COL4A6: variants seen among roughly 807,000 people sequenced by gnomAD.
The protein encoded by COL4A6 is collagen alpha-6(IV) chain.
Under a neutral mutation model 126.7 loss-of-function variants are expected in COL4A6, and 59 were observed. That is an observed-to-expected ratio of 0.47 (90% CI 0.38 to 0.58). The LOEUF is 0.58. COL4A6 is among the 20% of genes least tolerant of loss of function. COL4A6 has a pLI of 0.00. For synonymous variants in COL4A6, 547 were observed against 496.6 expected (o/e 1.10, Z -1.35); for missense variants, 1,285 against 1,337.3 (o/e 0.96, Z 0.61).
chrX:108,302,912 C>A (rs912488031), intron 3 of COL4A6, among the ~76,000 whole-genome samples: 1 of 111,201 alleles, frequency 9.0e-6, no homozygotes, highest in Non-Finnish European at 1.9e-5. Context: ...ATCTTAATTT[C>A]TTTCTAGTGT....
intron 2 of COL4A6, among the ~76,000 whole-genome samples, chrX:108,386,624 C>T (rs1477446544): frequency 9.0e-6 from 1 of 111,426 alleles, no homozygotes. Context: ...AGCCCTTTGT[C>T]AGATGGATAG....
chrX:108,391,517 A>G (rs1355193771), intron 2 of COL4A6, among the ~76,000 whole-genome samples: 3 of 111,371 alleles, frequency 2.7e-5, no homozygotes, highest in Non-Finnish European at 3.8e-5. Flanking sequence ...AGCCTCGGCA[A>G]TGGCAGAAGC....
intron 3 of COL4A6, among the ~76,000 whole-genome samples, chrX:108,261,799 A>G (rs1050242843): frequency 8.9e-6 from 1 of 111,755 alleles, no homozygotes; most frequent in Non-Finnish European, 1.9e-5. Flanking sequence ...CTGATCTATA[A>G]ATATTTAACC....
chrX:108,229,760 C>A (rs751508059), intron 3 of COL4A6, among the ~76,000 whole-genome samples: 2 of 112,105 alleles, frequency 1.8e-5, no homozygotes, highest in East Asian at 5.6e-4. Context: ...CTTAGGGCAC[C>A]TCTCCTTCTT....
intron 3 of COL4A6, among the ~76,000 whole-genome samples, chrX:108,273,936 A>AT (rs974265820): frequency 9.0e-6 from 1 of 111,671 alleles, no homozygotes; most frequent in Non-Finnish European, 1.9e-5. Flanking sequence ...TTTATATATA[A>AT]TTTTTTTTCA....
chrX:108,348,364 GA>G (rs2039761305), intron 2 of COL4A6, among the ~76,000 whole-genome samples: 1 of 109,768 alleles, frequency 9.1e-6, no homozygotes, highest in Non-Finnish European at 1.9e-5. Context: ...TTTTTTTTTG[GA>G]AAAAAATTCT....
At chrX:108,328,467 C>T (rs750232070) in intron 2 of COL4A6, among the ~76,000 whole-genome samples, 42 of 110,956 alleles carry the variant, frequency 3.8e-4, no homozygotes, top group Non-Finnish European at 6.6e-4. Flanking sequence ...ATGATTAAGT[C>T]TCTAGATCTA....
chrX:108,244,832 A>G (rs1039917184), intron 3 of COL4A6, among the ~76,000 whole-genome samples: 2 of 111,924 alleles, frequency 1.8e-5, no homozygotes, highest in Middle Eastern at 4.6e-3. Flanking sequence ...CTCATCCAAA[A>G]AAGAGCCAGA....
chrX:108,191,327 C>T, intron 19 of COL4A6, 66 bp downstream of exon 19: 1 of 1,142,229 alleles, frequency 8.8e-7, no homozygotes, highest in East Asian at 3.1e-5. Flanking sequence ...CCTCAAAAAT[C>T]ATGACTGTTC....
chrX:108,263,961 TA>T (rs2037232958), intron 3 of COL4A6, among the ~76,000 whole-genome samples: 1 of 111,459 alleles, frequency 9.0e-6, no homozygotes, highest in South Asian at 3.8e-4. Flanking sequence ...TATATTGTCC[TA>T]GGCAGCCACT....
chrX:108,204,831 A>C (rs1045059302), intron 11 of COL4A6, among the ~76,000 whole-genome samples: 1 of 111,713 alleles, frequency 9.0e-6, no homozygotes, highest in Non-Finnish European at 1.9e-5. Context: ...TTGTTCCTTC[A>C]GAAGGCAGTG....
At chrX:108,241,883 GT>G (rs2036581927) in intron 3 of COL4A6, among the ~76,000 whole-genome samples, 1 of 109,847 alleles carries the variant, frequency 9.1e-6, no homozygotes, top group African/African-American at 3.3e-5. Flanking sequence ...CCATCACCTG[GT>G]TTTACTAATG....
intron 2 of COL4A6, chrX:108,383,312 G>T (rs1218519092): frequency 4.6e-6 from 1 of 215,707 alleles, no homozygotes; most frequent in South Asian, 1.2e-4. Context: ...ATGATGAAAG[G>T]GTCAACCCAT....
chrX:108,244,804 G>A (rs959367297), intron 3 of COL4A6, among the ~76,000 whole-genome samples: 5 of 111,442 alleles, frequency 4.5e-5, no homozygotes, highest in African/African-American at 1.3e-4. Flanking sequence ...TCACTCTTTC[G>A]CTTGTTAGCC....
At chrX:108,213,865 C>A in intron 6 of COL4A6, 2 of 329,667 alleles carry the variant, frequency 6.1e-6, no homozygotes, top group South Asian at 6.6e-5. Flanking sequence ...AACAATCTTG[C>A]CAATTTCACA....
At chrX:108,218,220 G>A (rs1487002066) in intron 5 of COL4A6, among the ~76,000 whole-genome samples, 1 of 112,604 alleles carries the variant, frequency 8.9e-6, no homozygotes, top group Non-Finnish European at 1.9e-5. Context: ...CTCATCTCTG[G>A]CAAAGCCAGG....
At chrX:108,360,204 C>G (rs752432089) in intron 2 of COL4A6, among the ~76,000 whole-genome samples, 40 of 112,272 alleles carry the variant, frequency 3.6e-4, no homozygotes, top group Middle Eastern at 4.6e-3. Flanking sequence ...TCTTCCTTTT[C>G]CATTCTGTTC....
chrX:108,163,894 C>T (rs2034040571), intron 40 of COL4A6, among the ~76,000 whole-genome samples: 1 of 111,982 alleles, frequency 8.9e-6, no homozygotes, highest in South Asian at 3.8e-4. Context: ...CTGTGGTAGG[C>T]CAGGACTTGG....
At chrX:108,249,272 G>A (rs1004465620) in intron 3 of COL4A6, among the ~76,000 whole-genome samples, 3 of 110,761 alleles carry the variant, frequency 2.7e-5, no homozygotes, top group Non-Finnish European at 5.7e-5. Flanking sequence ...CAAGTGTTTA[G>A]TAGAGACTTC....
Sources: allele counts gnomAD v4.1 joint callset (sites outside exome capture counted in the v4.1 genomes callset), GRCh38; gene constraint gnomAD v4.1.1; transcripts MANE v1.5; gene names NCBI Gene and HGNC (gene_info 2026-07-23, HGNC 2026-07-21).